PRH1: variants seen among roughly 807,000 people sequenced by gnomAD.
PRH1 encodes proline rich protein HaeIII subfamily 1.
Under a neutral mutation model 7.9 loss-of-function variants are expected in PRH1, and 7 were observed. The ratio of observed to expected loss-of-function variants is 0.89; its 90% CI spans 0.50 to 1.67. The LOEUF is 1.67. Ranked by LOEUF, PRH1 falls within the 40% of genes most tolerant of loss-of-function variation. The pLI, the probability that PRH1 is intolerant of heterozygous loss-of-function variation, is 0.00. For synonymous variants in PRH1, 45 were observed against 80.8 expected (o/e 0.56, Z 2.38); for missense variants, 109 against 223.6 (o/e 0.49, Z 3.27).
At chr12:11,170,040 C>G (rs1222725676) in intron 1 of PRH1, among the ~76,000 whole-genome samples, 1 of 152,148 alleles carries the variant, frequency 6.6e-6, no homozygotes, top group Non-Finnish European at 1.5e-5. Flanking sequence ...CTCAACAATG[C>G]TTTTCAGAAC....
At chr12:11,161,372 T>G (rs1947407758) in intron 1 of PRH1, among the ~76,000 whole-genome samples, 2 of 152,184 alleles carry the variant, frequency 1.3e-5, no homozygotes, top group South Asian at 4.1e-4. Context: ...GTGGGAGAAT[T>G]TGTTTAGAGG....
intron 1 of PRH1, among the ~76,000 whole-genome samples, chr12:11,066,204 GTTTTGTT>G (rs377374276): frequency 9.0e-3 from 1,370 of 151,596 alleles, no homozygotes; most frequent in South Asian, 0.022. Flanking sequence ...CGTGAGTATA[GTTTTGTT>G]TATAGAACTA....
chr12:11,017,735 T>A lies in PRH1; in HGVS notation c.-126+29285A>T, dbSNP rs149079853. On this transcript the variant is annotated intron_variant, in intron 1 of 3. Transcript: ENST00000539853. ...CTCAAACTCCTGGCCTCCAGTGATCTGCCTGCGTTGGTCTCCCAAAGTGCT... is the reference window on the plus strand; with the variant it reads ...CTCAAACTCCTGGCCTCCAGTGATCAGCCTGCGTTGGTCTCCCAAAGTGCT... 9.9e-4 allele frequency among the ~76,000 whole-genome samples: 151 copies of A among 152,200 alleles called. No homozygotes were observed. The East Asian group carries it at 0.024, about 24-fold the overall frequency.
chr12:11,070,792 TAGG>T (rs1377660107), intron 1 of PRH1, among the ~76,000 whole-genome samples: 8 of 151,326 alleles, frequency 5.3e-5, no homozygotes, highest in Non-Finnish European at 1.0e-4. Flanking sequence ...TGAGATGGAG[TAGG>T]AGATTTTCTT....
chr12:10,957,681 G>A lies in PRH1; in HGVS notation c.-59+15974C>T, dbSNP rs142639395. Among the ~76,000 whole-genome samples the A allele has an allele frequency of 4.7e-3, 707 of 151,978 alleles. 5 individuals are homozygous for A. Among genetic ancestry groups the A allele is most frequent in the African/African-American group, 0.016 (678 of 41,472 alleles). Reference sequence around the variant, plus strand: ...CGTAAACTATGCAAATGACAAAGGCGTAATATCCGGAACATATAAGGAATT... The same window carrying A: ...CGTAAACTATGCAAATGACAAAGGCATAATATCCGGAACATATAAGGAATT... On this transcript the variant is annotated intron_variant, in intron 2 of 3. Transcript: ENST00000539853.
At chr12:11,048,558 G>A, upstream of PRH1, 1 of 577,552 alleles carries the variant, frequency 1.7e-6, no homozygotes, top group South Asian at 2.1e-5. Flanking sequence ...ACATAAGGAA[G>A]GAGATCACAG....
intron 1 of PRH1, among the ~76,000 whole-genome samples, chr12:11,104,392 A>C (rs1945349151): frequency 6.6e-6 from 1 of 152,074 alleles, no homozygotes; most frequent in Non-Finnish European, 1.5e-5. Flanking sequence ...AGTTTTTCAA[A>C]CTTTACGTCA....
rs539405304 is a variant in PRH1 at position 11,145,284 on chromosome 12, C to T, written n.40-24104G>A. Reference sequence around the variant, plus strand: ...TCGGGTCACTGCAACCTCTGCCTCTCAGGTTCAAGTGATTCTCCCTGCCTC... The same window carrying T: ...TCGGGTCACTGCAACCTCTGCCTCTTAGGTTCAAGTGATTCTCCCTGCCTC... On this transcript the variant is annotated intron_variant and non_coding_transcript_variant, in intron 1 of 1. Transcript: ENST00000541175. Among the ~76,000 whole-genome samples the T allele has an allele frequency of 2.0e-5, 3 of 152,272 alleles. No homozygotes were observed. In the South Asian group the frequency reaches 6.2e-4, roughly 32 times the overall value.
intron 1 of PRH1, chr12:11,034,992 A>G (rs990792818): frequency 6.6e-6 from 1 of 152,114 alleles, no homozygotes; most frequent in Admixed American, 6.5e-5. Context: ...TTTGAAATAC[A>G]CTGAAGACAT....
At chr12:10,930,861 T>A (rs1041485989) in intron 2 of PRH1, 2 of 1,612,834 alleles carry the variant, frequency 1.2e-6, no homozygotes, top group Admixed American at 1.7e-5. Context: ...AGGGAGGCCA[T>A]CCCCCTCCTC....
At chr12:11,000,477 A>G (rs1460091683) in intron 1 of PRH1, among the ~76,000 whole-genome samples, 1 of 152,126 alleles carries the variant, frequency 6.6e-6, no homozygotes, top group Non-Finnish European at 1.5e-5. Context: ...TTTTAAAATA[A>G]TCTATCTTTT....
rs574160872 is a variant in PRH1, at chr12:11,112,779, T to C, written n.123+58643A>G. Reference sequence around the variant, plus strand: ...CATCTCTCACCACTCCTGTTCAACATAGTATTGGAAATTCTGGCCAGGACA... The same window carrying C: ...CATCTCTCACCACTCCTGTTCAACACAGTATTGGAAATTCTGGCCAGGACA... On this transcript the variant is annotated intron_variant and non_coding_transcript_variant, in intron 1 of 4. Coordinates refer to the PRH1 transcript ENST00000541977. Among the ~76,000 whole-genome samples the C allele has an allele frequency of 4.5e-4, 69 of 152,222 alleles. No homozygotes were observed. The Middle Eastern group carries it at 0.01, about 23-fold the overall frequency.
At chr12:10,929,491 T>C (rs574836125) in intron 2 of PRH1, among the ~76,000 whole-genome samples, 278 of 152,290 alleles carry the variant, frequency 1.8e-3, no homozygotes, top group Non-Finnish European at 3.2e-3. Flanking sequence ...TGTGCCTTCA[T>C]TCCTCATCAA....
intron 1 of PRH1, among the ~76,000 whole-genome samples, chr12:11,169,659 G>A (rs1479596264): frequency 6.6e-6 from 1 of 152,162 alleles, no homozygotes; most frequent in Non-Finnish European, 1.5e-5. Flanking sequence ...ACTCTGAATG[G>A]CTCTGTGTAT....
chr12:11,091,927 G>C lies in PRH1; in HGVS notation n.124-44739C>G, dbSNP rs758799232. 3 of 1,230,232 alleles carry C rather than the reference G, an allele frequency of 2.4e-6. 1 individual carries two copies. The highest frequency in any genetic ancestry group is 3.5e-6 in the Non-Finnish European group (3 of 867,714). The allele number at this position is 1,230,232 out of a possible 1,614,324, so 76.2% of individuals were successfully genotyped here. ...TCTTGAGCAAATAAAATATGCTGAG[G>C]GTAGTAGCAAGCCAGTTGCTGAAAT... On this transcript the variant is annotated intron_variant and non_coding_transcript_variant, in intron 1 of 4. Coordinates refer to the PRH1 transcript ENST00000541977.
rs1428755267 is a variant in PRH1 at position 11,094,374 on chromosome 12, A to C, written n.124-47186T>G. 9.0e-4 allele frequency among the ~76,000 whole-genome samples: 97 copies of C among 107,634 alleles called. 20 individuals carry two copies. The highest frequency in any genetic ancestry group is 2.9e-3 in the African/African-American group (93 of 31,866). 70.6% of individuals were successfully genotyped at this position (107,634 alleles called of 152,430 possible). ...ATATAAATATCTAATGTAGGTTTGG[A>C]GGGTTTTCTCCTGCACAAAAACATA... On this transcript the variant is annotated intron_variant and non_coding_transcript_variant, in intron 1 of 4. Transcript: ENST00000541977.
chr12:11,002,840 A>G (rs971374010), intron 1 of PRH1, among the ~76,000 whole-genome samples: 1 of 152,090 alleles, frequency 6.6e-6, no homozygotes, highest in Non-Finnish European at 1.5e-5. Flanking sequence ...TGCTGTGCAC[A>G]TGCATAGTAT....
chr12:11,159,288 C>T (rs553207547), intron 1 of PRH1: 3 of 151,010 alleles, frequency 2.0e-5, no homozygotes, highest in African/African-American at 4.9e-5. Context: ...GAACAAAGAC[C>T]GCAGGAAAAG....
intron 1 of PRH1, among the ~76,000 whole-genome samples, chr12:11,081,869 A>C (rs113628834): frequency 0.014 from 1,145 of 81,356 alleles, 21 homozygotes; most frequent in Middle Eastern, 0.02. Flanking sequence ...CTTTATAAAT[A>C]AGAGCTTGAT....
Sources: allele counts gnomAD v4.1 joint callset (sites outside exome capture counted in the v4.1 genomes callset), GRCh38; gene constraint gnomAD v4.1.1; transcripts MANE v1.5; gene names NCBI Gene and HGNC (gene_info 2026-07-23, HGNC 2026-07-21).